CTNNA3: variants seen among roughly 807,000 people sequenced by gnomAD.
CTNNA3 encodes the protein catenin alpha 3, also known as catenin alpha-3.
A neutral mutation model predicts 95.7 loss-of-function variants in CTNNA3; 76 were observed. The observed-to-expected ratio is 0.79, with a 90% confidence interval of 0.66 to 0.96. CTNNA3 has a LOEUF of 0.96. CTNNA3 is among the 40% of genes least tolerant of loss of function. The pLI is 0.00. For synonymous variants in CTNNA3, 431 were observed against 374.4 expected, an observed-to-expected ratio of 1.15 and a Z score of -1.74; for missense variants, 1,191 against 1,089.8, an observed-to-expected ratio of 1.09 and a Z score of -1.31.
intron 11 of CTNNA3, among the ~76,000 whole-genome samples, chr10:66,387,957 CT>C (rs2092906706): frequency 6.6e-6 from 1 of 151,856 alleles, no homozygotes; most frequent in African/African-American, 2.4e-5. Flanking sequence ...GGATGGAGGG[CT>C]GGGGGAGGGA....
chr10:66,087,688 A>T (rs1400208233), intron 14 of CTNNA3, among the ~76,000 whole-genome samples: 1 of 152,142 alleles, frequency 6.6e-6, no homozygotes, highest in Non-Finnish European at 1.5e-5. Context: ...ATCATCAGCA[A>T]CAGAACTGCA....
At chr10:67,619,890 A>G (rs1032050366) in intron 2 of CTNNA3, among the ~76,000 whole-genome samples, 1 of 152,162 alleles carries the variant, frequency 6.6e-6, no homozygotes, top group Non-Finnish European at 1.5e-5. Flanking sequence ...TTGAAGCTCA[A>G]TAATACATAA....
chr10:66,592,735 G>A (rs940238620), intron 10 of CTNNA3, among the ~76,000 whole-genome samples: 5 of 152,060 alleles, frequency 3.3e-5, no homozygotes, highest in Admixed American at 6.6e-5. Flanking sequence ...AAGGAGATGG[G>A]AATTGATACA....
intron 11 of CTNNA3, among the ~76,000 whole-genome samples, chr10:66,477,919 G>C (rs749955406): frequency 6.6e-6 from 1 of 152,006 alleles, no homozygotes; most frequent in Non-Finnish European, 1.5e-5. Flanking sequence ...TTAACTTCTC[G>C]AAACAAAAGG....
At chr10:66,007,348 G>A (rs1205631613) in intron 15 of CTNNA3, among the ~76,000 whole-genome samples, 1 of 151,942 alleles carries the variant, frequency 6.6e-6, no homozygotes, top group African/African-American at 2.4e-5. Flanking sequence ...CAGGTATTAA[G>A]CCTAGTACCC....
intron 3 of CTNNA3, among the ~76,000 whole-genome samples, chr10:67,543,497 G>C (rs1399757875): frequency 6.6e-6 from 1 of 151,780 alleles, no homozygotes; most frequent in Non-Finnish European, 1.5e-5. Flanking sequence ...TGCTTATATT[G>C]ATTATAAACT....
chr10:67,228,100 C>T (rs1184027914), intron 5 of CTNNA3, among the ~76,000 whole-genome samples: 4 of 152,070 alleles, frequency 2.6e-5, no homozygotes, highest in South Asian at 2.1e-4. Context: ...TGACACTCTA[C>T]GGCTATACCT....
chr10:66,105,337 T>C (rs1433608364), intron 13 of CTNNA3, among the ~76,000 whole-genome samples: 1 of 152,232 alleles, frequency 6.6e-6, no homozygotes, highest in Non-Finnish European at 1.5e-5. Flanking sequence ...ATCTTTGCAA[T>C]TTCCCTCCTT....
At chr10:66,492,915 T>C (rs1189945823) in intron 11 of CTNNA3, among the ~76,000 whole-genome samples, 1 of 152,164 alleles carries the variant, frequency 6.6e-6, no homozygotes, top group Non-Finnish European at 1.5e-5. Flanking sequence ...TTTCCTGTCA[T>C]CTGATTTCTC....
At chr10:66,416,861 A>G (rs937356875) in intron 11 of CTNNA3, among the ~76,000 whole-genome samples, 3 of 152,054 alleles carry the variant, frequency 2.0e-5, no homozygotes, top group Non-Finnish European at 2.9e-5. Flanking sequence ...AAAACACACA[A>G]AAGTATAAAA....
At chr10:67,059,905 A>C (rs2133214656) in intron 7 of CTNNA3, among the ~76,000 whole-genome samples, 1 of 152,308 alleles carries the variant, frequency 6.6e-6, no homozygotes, top group Admixed American at 6.5e-5. Flanking sequence ...TAGGTGCCAT[A>C]GGGACACCAA....
intron 13 of CTNNA3, among the ~76,000 whole-genome samples, chr10:66,199,784 TATATATATATA>T (rs2087224859): frequency 8.4e-5 from 1 of 11,862 alleles, no homozygotes; most frequent in African/African-American, 2.8e-4. Context: ...TATATATATA[TATATATATATA>T]TATATATATA....
At chr10:66,449,539 A>T (rs2093448386) in intron 11 of CTNNA3, among the ~76,000 whole-genome samples, 1 of 152,158 alleles carries the variant, frequency 6.6e-6, no homozygotes, top group African/African-American at 2.4e-5. Context: ...TTAGCTTCAT[A>T]AATAATGTTA....
intron 7 of CTNNA3, among the ~76,000 whole-genome samples, chr10:66,777,402 G>T (rs780673319): frequency 6.6e-6 from 1 of 151,698 alleles, no homozygotes; most frequent in Non-Finnish European, 1.5e-5. Flanking sequence ...GAAGAGAGAA[G>T]TAAGAAAAGG....
At chr10:67,332,200 T>C (rs545756702) in intron 5 of CTNNA3, among the ~76,000 whole-genome samples, 12 of 152,312 alleles carry the variant, frequency 7.9e-5, no homozygotes, top group Middle Eastern at 3.4e-3. Flanking sequence ...AAGATTAAAT[T>C]TCCTAGAAAA....
chr10:67,706,164 G>C (rs926899821), intron 1 of CTNNA3, among the ~76,000 whole-genome samples: 1 of 152,002 alleles, frequency 6.6e-6, no homozygotes, highest in Admixed American at 6.6e-5. Context: ...AAAAATAGCC[G>C]AAACTCTCCA....
intron 7 of CTNNA3, among the ~76,000 whole-genome samples, chr10:66,780,746 A>G (rs764530305): frequency 6.6e-6 from 1 of 152,222 alleles, no homozygotes; most frequent in Non-Finnish European, 1.5e-5. Flanking sequence ...TGCTTTGCAC[A>G]TAGTAGGGGC....
chr10:66,273,255 T>A (rs562599405), intron 13 of CTNNA3, among the ~76,000 whole-genome samples: 2 of 152,088 alleles, frequency 1.3e-5, no homozygotes, highest in Non-Finnish European at 2.9e-5. Flanking sequence ...AGAACTGCAA[T>A]ACTATATGAC....
intron 10 of CTNNA3, among the ~76,000 whole-genome samples, chr10:66,559,257 A>C (rs2132128891): frequency 6.6e-6 from 1 of 152,108 alleles, no homozygotes; most frequent in African/African-American, 2.4e-5. Flanking sequence ...CTTTTAACAC[A>C]AATCTGGTCT....
Sources: allele counts gnomAD v4.1 joint callset (sites outside exome capture counted in the v4.1 genomes callset), GRCh38; gene constraint gnomAD v4.1.1; transcripts MANE v1.5; gene names NCBI Gene and HGNC (gene_info 2026-07-23, HGNC 2026-07-21).